The following CLUAP1 variants were observed in gnomAD, a reference collection of about 807,000 sequenced individuals.
CLUAP1 encodes the protein clusterin-associated protein 1.
In CLUAP1, 50 loss-of-function variants were observed where a neutral mutation model predicts 55.0. That is an observed-to-expected ratio of 0.91 (90% CI 0.72 to 1.15). The LOEUF is 1.15. CLUAP1 is among the 50% of genes most tolerant of loss of function. The pLI is 0.00. For synonymous variants in CLUAP1, 195 were observed against 175.4 expected, an observed-to-expected ratio of 1.11 and a Z score of -0.88; for missense variants, 530 against 507.6, an observed-to-expected ratio of 1.04 and a Z score of -0.42.
At position 3,538,748 on chromosome 16, in the gene CLUAP1, T is replaced by TG. The variant is rs1172337285; in HGVS notation, c.*2478dup. The TG allele has an allele frequency of 6.6e-6, 1 of 152,228 alleles. No individual in the cohort carries two copies. The highest frequency in any genetic ancestry group is 1.9e-4 in the East Asian group (1 of 5,202). 9.4% of individuals were successfully genotyped at this position (152,228 alleles called of 1,614,324 possible). On this transcript the variant is annotated 3_prime_UTR_variant, in exon 12 of 12. Coordinates refer to ENST00000576634, the MANE Select transcript of CLUAP1 (RefSeq NM_015041.3). ...TGCCTTGCTTGAGCACGGAAGTTTC[T>TG]GTCAACAGCAAGCTTTATGTGCTCT...
At chr16:3,497,024 C>T (rs955928920), upstream of CLUAP1, among the ~76,000 whole-genome samples, 2 of 152,010 alleles carry the variant, frequency 1.3e-5, no homozygotes, top group African/African-American at 4.8e-5. Context: ...GCACCCACCA[C>T]CACGCCCAAC....
At chr16:3,519,564 G>C (rs111225955) in intron 6 of CLUAP1, among the ~76,000 whole-genome samples, 13 of 152,352 alleles carry the variant, frequency 8.5e-5, no homozygotes, top group African/African-American at 2.9e-4. Flanking sequence ...ACCGTCCAGA[G>C]TGATGTGCAC....
intron 9 of CLUAP1, among the ~76,000 whole-genome samples, chr16:3,529,113 T>A (rs1422299044): frequency 6.6e-6 from 1 of 151,836 alleles, no homozygotes; most frequent in East Asian, 1.9e-4. Flanking sequence ...GATGTTCAAG[T>A]CCTTTTCATG....
chr16:3,525,609 G>T (rs909914002), intron 8 of CLUAP1, among the ~76,000 whole-genome samples: 1 of 151,812 alleles, frequency 6.6e-6, no homozygotes, highest in Non-Finnish European at 1.5e-5. Context: ...CTGCCACTCT[G>T]TCTGGAGGGC....
At chr16:3,529,633 T>TTATATATTATATAA (rs1463796711) in intron 9 of CLUAP1, among the ~76,000 whole-genome samples, 2 of 12,352 alleles carry the variant, frequency 1.6e-4, no homozygotes, top group African/African-American at 4.4e-4. Flanking sequence ...ATATTATATA[T>TTATATATTATATAA]TATTATATAT....
chr16:3,508,205 A>G, intron 3 of CLUAP1, 84 bp from the exon 4 acceptor site: 1 of 1,244,644 alleles, frequency 8.0e-7, no homozygotes. Flanking sequence ...CAGCAGAGGC[A>G]TTTTCAACTC....
chr16:3,508,403 G>C lies in CLUAP1; in HGVS notation c.334G>C (p.Gly112Arg). 1 of 1,598,652 alleles carries C rather than the reference G, an allele frequency of 6.3e-7. No homozygotes were observed. Among genetic ancestry groups the C allele is most frequent in the Non-Finnish European group, 8.5e-7 (1 of 1,176,376 alleles). ...SVLYNAMKTK[G>R]MEGSEIVEED... ...CCTTTATAATGCTATGAAGACCAAGGGGATGGAGGGCTCTGAAATAGTAGA... is the reference window on the plus strand; with the variant it reads ...CCTTTATAATGCTATGAAGACCAAGCGGATGGAGGGCTCTGAAATAGTAGA... The change falls in exon 4 of 12, where the codon GGG (glycine) becomes CGG (arginine). Residue 112 changes from glycine (G) to arginine (R), a missense_variant. By Grantham distance (125) the Gly-to-Arg change is moderately radical (BLOSUM62 -2). Coordinates refer to ENST00000576634, the MANE Select transcript of CLUAP1 (RefSeq NM_015041.3).
Position 3,512,151 on chromosome 16 carries a change from A to G in CLUAP1, c.400-232A>G, listed in dbSNP as rs2037639646. 2.1e-5 allele frequency among the ~76,000 whole-genome samples: 3 copies of G among 143,262 alleles called. No homozygotes were observed. The South Asian group carries it at 6.6e-4, about 32-fold the overall frequency. The allele number at this position is 143,262 out of a possible 152,430, so 94.0% of individuals were successfully genotyped here. A position where few individuals can be genotyped will look rare whatever the true frequency, so the allele number is the denominator to read the frequency against. On this transcript the variant is annotated intron_variant, in intron 4 of 11. Transcript: ENST00000576634. ...CGGTGAGCCGAGATCGCGCTATCAC[A>G]CTCCAGCCTAGGCAACAAGAACGAA...
chr16:3,496,240 C>A (rs2037307908), upstream of CLUAP1: 1 of 635,526 alleles, frequency 1.6e-6, no homozygotes, highest in Admixed American at 1.9e-5. Context: ...CCTAAAGGTT[C>A]GGCGCAAAGA....
chr16:3,507,873 G>A (rs961290386), intron 3 of CLUAP1, among the ~76,000 whole-genome samples: 1 of 152,030 alleles, frequency 6.6e-6, no homozygotes, highest in Admixed American at 6.6e-5. Flanking sequence ...TCCTCATTCT[G>A]TTTACGCCTG....
rs1267307571 is a variant in CLUAP1 at position 3,538,639 on chromosome 16, C to T, written c.*2368C>T. The T allele has an allele frequency of 6.6e-6, 1 of 152,192 alleles. No homozygotes were observed. Among genetic ancestry groups the T allele is most frequent in the Non-Finnish European group, 1.5e-5 (1 of 68,038 alleles). The allele number at this position is 152,192 out of a possible 1,614,324, so 9.4% of individuals were successfully genotyped here. A position where few individuals can be genotyped will look rare whatever the true frequency, so the allele number is the denominator to read the frequency against. On this transcript the variant is annotated 3_prime_UTR_variant, in exon 12 of 12. Transcript: ENST00000576634. ...CTATCCACAGACATAGGCAACAGCT[C>T]CAAAGGGTATTTCATTGTGTCACCT...
chr16:3,504,665 A>G (rs1467223092), intron 1 of CLUAP1, 55 bp from the exon 2 acceptor site: 1 of 958,460 alleles, frequency 1.0e-6, no homozygotes, highest in Non-Finnish European at 1.7e-6. Context: ...ATCTAAGTTA[A>G]TAAGTAGTTG....
chr16:3,498,146 C>T (rs1246107784), upstream of CLUAP1, among the ~76,000 whole-genome samples: 3 of 152,034 alleles, frequency 2.0e-5, no homozygotes, highest in Non-Finnish European at 4.4e-5. Context: ...AGTCCAAGAA[C>T]CAGGAGCTCC....
upstream of CLUAP1, among the ~76,000 whole-genome samples, chr16:3,497,601 T>A (rs2037327834): frequency 6.6e-6 from 1 of 152,072 alleles, no homozygotes; most frequent in Non-Finnish European, 1.5e-5. Context: ...AGAGAAAATA[T>A]TTATTAGAGG....
intron 9 of CLUAP1, among the ~76,000 whole-genome samples, chr16:3,529,750 ATTATATAAT>A (rs2038062776): frequency 1.9e-5 from 1 of 51,716 alleles, no homozygotes; most frequent in Non-Finnish European, 3.3e-5. Context: ...TATATTATAT[ATTATATAAT>A]ATATATTATA....
chr16:3,504,020 G>A (rs1460082377), intron 1 of CLUAP1, among the ~76,000 whole-genome samples: 1 of 152,176 alleles, frequency 6.6e-6, no homozygotes, highest in Non-Finnish European at 1.5e-5. Context: ...ACAAATGTTT[G>A]TGGTGTTCAT....
chr16:3,496,604 G>A, upstream of CLUAP1: 1 of 531,152 alleles, frequency 1.9e-6, no homozygotes, highest in Non-Finnish European at 3.7e-6. Context: ...CCTCAAGGAC[G>A]GCGGCCCCGT....
In CLUAP1 at chr16:3,513,998, C is replaced by A. The variant is rs557996379; in HGVS notation, c.496-1510C>A. Reference sequence around the variant, plus strand: ...TATGTCTGCTCATCATATATTGACCCGGCAGTTGCCACCTGATGAAGTGTG... The same window carrying A: ...TATGTCTGCTCATCATATATTGACCAGGCAGTTGCCACCTGATGAAGTGTG... On this transcript the variant is annotated intron_variant, in intron 5 of 11. Transcript: ENST00000576634. Among the ~76,000 whole-genome samples the A allele has an allele frequency of 7.2e-5, 11 of 152,290 alleles. No individual in the cohort carries two copies. In the East Asian group the frequency reaches 2.1e-3, roughly 29 times the overall value.
At chr16:3,522,380 T>C (rs2037855347) in intron 7 of CLUAP1, among the ~76,000 whole-genome samples, 1 of 152,180 alleles carries the variant, frequency 6.6e-6, no homozygotes, top group African/African-American at 2.4e-5. Context: ...GCCAGGCTGG[T>C]CTGAAACTCC....
Sources: allele counts gnomAD v4.1 joint callset (sites outside exome capture counted in the v4.1 genomes callset), GRCh38; gene constraint gnomAD v4.1.1; transcripts MANE v1.5; gene names NCBI Gene and HGNC (gene_info 2026-07-23, HGNC 2026-07-21).